Variants in ELOVL7 observed in about 807,000 individuals in gnomAD.
ELOVL7 encodes very long chain fatty acid elongase 7.
Under a neutral mutation model 35.7 loss-of-function variants are expected in ELOVL7, and 27 were observed. The ratio of observed to expected loss-of-function variants is 0.76; its 90% CI spans 0.56 to 1.04. ELOVL7 has a LOEUF of 1.04. Ranked by LOEUF, ELOVL7 falls within the 50% of genes least tolerant of loss-of-function variation. ELOVL7 has a pLI of 0.00. For synonymous variants in ELOVL7, 113 were observed against 114.6 expected, an observed-to-expected ratio of 0.99 and a Z score of 0.09; for missense variants, 327 against 340.8, an observed-to-expected ratio of 0.96 and a Z score of 0.32.
chr5:60,806,699 G>A (rs1253497012), intron 1 of ELOVL7, among the ~76,000 whole-genome samples: 1 of 152,144 alleles, frequency 6.6e-6, no homozygotes, highest in Non-Finnish European at 1.5e-5. Context: ...TCTTTCTGAG[G>A]GCTGAAGGAA....
chr5:60,838,694 G>C (rs1746974453), intron 1 of ELOVL7, among the ~76,000 whole-genome samples: 1 of 152,138 alleles, frequency 6.6e-6, no homozygotes, highest in South Asian at 2.1e-4. Context: ...TGTAAGCTAT[G>C]TGGAAACTTA....
intron 1 of ELOVL7, among the ~76,000 whole-genome samples, chr5:60,807,076 G>C (rs1744969406): frequency 6.6e-6 from 1 of 152,112 alleles, no homozygotes; most frequent in Non-Finnish European, 1.5e-5. Context: ...TCTTCCCCCA[G>C]CTGCACTGGG....
At chr5:60,758,140 T>C (rs549757482) in intron 7 of ELOVL7, among the ~76,000 whole-genome samples, 2 of 152,268 alleles carry the variant, frequency 1.3e-5, no homozygotes, top group Admixed American at 6.5e-5. Flanking sequence ...CCTCCCAAGG[T>C]AGCTTTACTC....
At chr5:60,783,884 G>A (rs1743407190) in intron 3 of ELOVL7, among the ~76,000 whole-genome samples, 1 of 152,172 alleles carries the variant, frequency 6.6e-6, no homozygotes, top group Admixed American at 6.5e-5. Flanking sequence ...GGCTAATGGG[G>A]TGGGGGATGT....
chr5:60,795,641 C>T (rs1744208893), intron 2 of ELOVL7, among the ~76,000 whole-genome samples: 2 of 152,190 alleles, frequency 1.3e-5, no homozygotes, highest in African/African-American at 2.4e-5. Context: ...ATGCCGATGT[C>T]GGAGACTCGC....
At chr5:60,828,258 A>G (rs1044163636) in intron 1 of ELOVL7, among the ~76,000 whole-genome samples, 1 of 152,252 alleles carries the variant, frequency 6.6e-6, no homozygotes, top group Admixed American at 6.5e-5. Context: ...TGCTCCCTGC[A>G]TTCTCTCTGT....
At chr5:60,799,053 G>A (rs184981989) in intron 2 of ELOVL7, 127 bp downstream of exon 2, 99 of 152,112 alleles carry the variant, frequency 6.5e-4, no homozygotes, top group African/African-American at 2.3e-3. Flanking sequence ...ATAACAGGAA[G>A]AAAACTGGAA....
chr5:60,790,644 A>G (rs1334702748), intron 2 of ELOVL7, among the ~76,000 whole-genome samples: 1 of 152,090 alleles, frequency 6.6e-6, no homozygotes, highest in African/African-American at 2.4e-5. Context: ...TTATTTTCCT[A>G]AAAAATCATC....
intron 7 of ELOVL7, among the ~76,000 whole-genome samples, chr5:60,758,474 C>A (rs1741682313): frequency 6.6e-6 from 1 of 152,148 alleles, no homozygotes; most frequent in Non-Finnish European, 1.5e-5. Flanking sequence ...CACTAGCAAA[C>A]TGCTGAATTT....
At chr5:60,785,098 C>T (rs576762404) in intron 3 of ELOVL7, among the ~76,000 whole-genome samples, 9 of 152,190 alleles carry the variant, frequency 5.9e-5, no homozygotes, top group Admixed American at 1.3e-4. Flanking sequence ...TGGGCTACAG[C>T]AGTGTCAGAC....
intron 3 of ELOVL7, among the ~76,000 whole-genome samples, chr5:60,780,039 C>T (rs1404678686): frequency 1.3e-5 from 2 of 151,950 alleles, no homozygotes; most frequent in Non-Finnish European, 2.9e-5. Flanking sequence ...CTCAGCCTGA[C>T]CTTCATTGTC....
chr5:60,760,652 C>T (rs1038426052), intron 7 of ELOVL7, among the ~76,000 whole-genome samples: 1 of 152,102 alleles, frequency 6.6e-6, no homozygotes, highest in Admixed American at 6.6e-5. Context: ...AATTACATCC[C>T]ATTTGTCAAT....
chr5:60,829,127 T>C (rs944105831), intron 1 of ELOVL7, among the ~76,000 whole-genome samples: 24 of 152,026 alleles, frequency 1.6e-4, no homozygotes, highest in African/African-American at 5.1e-4. Flanking sequence ...AGAAATAAAA[T>C]GTTCATGTTG....
chr5:60,786,512 T>C (rs1035887004), intron 3 of ELOVL7, among the ~76,000 whole-genome samples: 4 of 152,154 alleles, frequency 2.6e-5, no homozygotes, highest in Non-Finnish European at 4.4e-5. Flanking sequence ...TTCTGAAACA[T>C]TGACTTTTAA....
intron 2 of ELOVL7, among the ~76,000 whole-genome samples, chr5:60,791,328 C>T (rs1038542866): frequency 6.6e-6 from 1 of 151,954 alleles, no homozygotes; most frequent in Admixed American, 6.6e-5. Flanking sequence ...TTTATGGGTA[C>T]ATACAGACAT....
chr5:60,758,207 A>G (rs1295193569), intron 7 of ELOVL7, among the ~76,000 whole-genome samples: 1 of 152,176 alleles, frequency 6.6e-6, no homozygotes, highest in Non-Finnish European at 1.5e-5. Context: ...CATAAATGGA[A>G]TTACACAGGA....
At chr5:60,841,570 G>A (rs955094211) in intron 1 of ELOVL7, among the ~76,000 whole-genome samples, 7 of 152,018 alleles carry the variant, frequency 4.6e-5, no homozygotes, top group African/African-American at 7.2e-5. Flanking sequence ...AGCAGTCCAG[G>A]CCCACTTCAC....
At position 60,757,461 on chromosome 5, in the gene ELOVL7, T is replaced by C. The variant is rs375234295; in HGVS notation, c.636+48A>G. The C allele has an allele frequency of 7.0e-6, 11 of 1,581,984 alleles. No homozygotes were observed. The African/African-American group carries it at 1.3e-4, about 19-fold the overall frequency. ...TATCCTAATTCACAGTGAAAACAAG[T>C]GACTCTAGCTGCTTCATATATGGTT... On this transcript the variant is annotated intron_variant, in intron 8 of 8. Transcript: ENST00000508821.
At chr5:60,768,389 C>T (rs781545366) in intron 4 of ELOVL7, among the ~76,000 whole-genome samples, 2 of 152,146 alleles carry the variant, frequency 1.3e-5, no homozygotes, top group African/African-American at 4.8e-5. Flanking sequence ...AAGATAGCTG[C>T]GACAACTGGG....
Sources: gnomAD v4.1 joint callset for allele counts (sites outside exome capture counted in the v4.1 genomes callset) on GRCh38, gnomAD v4.1.1 for gene constraint, MANE v1.5 for transcripts, NCBI Gene and HGNC (gene_info 2026-07-23, HGNC 2026-07-21) for gene names.